Variants in NALF1 observed in about 807,000 individuals in gnomAD.
The protein encoded by NALF1 is NALCN channel auxiliary factor 1.
In NALF1, 3 loss-of-function variants were observed where a neutral mutation model predicts 48.4. That is an observed-to-expected ratio of 0.06 (90% CI 0.03 to 0.16). The LOEUF is 0.16. Ranked by LOEUF, NALF1 falls within the 10% of genes least tolerant of loss-of-function variation. The probability of loss-of-function intolerance (pLI) is 1.00; values close to 1 mark genes in which losing one functional copy is unlikely to be tolerated. For missense variants in NALF1, 526 were observed against 571.5 expected, an observed-to-expected ratio of 0.92 and a Z score of 0.81; for synonymous variants, 262 against 245.7, an observed-to-expected ratio of 1.07 and a Z score of -0.62.
At position 107,422,914 on chromosome 13, in the gene NALF1, C is replaced by A. The variant is rs370779772; in HGVS notation, c.916-212159G>T. Among the ~76,000 whole-genome samples the A allele has an allele frequency of 4.6e-5, 7 of 152,208 alleles. No homozygotes were observed. In the East Asian group the frequency reaches 5.8e-4, roughly 13 times the overall value. On this transcript the variant is annotated intron_variant, in intron 1 of 2. Coordinates refer to ENST00000375915, the MANE Select transcript of NALF1 (RefSeq NM_001080396.3). The stretch of plus-strand genomic sequence containing the variant: ...CACAAGCCAAGGAACAAGGCGGCCT[C>A]TAGAAGCTGGGAAGGCAAGGAAATG...
chr13:107,580,602 C>G (rs1239191270), intron 1 of NALF1, among the ~76,000 whole-genome samples: 1 of 152,148 alleles, frequency 6.6e-6, no homozygotes, highest in South Asian at 2.1e-4. Context: ...AGATTTTTGA[C>G]TCTTTCCTTA....
chr13:107,792,207 T>C (rs1274554887), intron 1 of NALF1, among the ~76,000 whole-genome samples: 1 of 152,184 alleles, frequency 6.6e-6, no homozygotes, highest in Non-Finnish European at 1.5e-5. Context: ...CTAATCCTAT[T>C]TGATCCATAC....
chr13:107,847,392 T>C lies in NALF1; in HGVS notation c.915+18290A>G, dbSNP rs533959287. Among the ~76,000 whole-genome samples, 16 of 152,344 alleles carry C rather than the reference T, an allele frequency of 1.1e-4. No individual in the cohort carries two copies. In the East Asian group the frequency reaches 2.1e-3, roughly 20 times the overall value. ...GTCTTTAAGGTGGGCCTCTGATTTT[T>C]CCTCTTGAAATTCATGGCCTTGTGT... On this transcript the variant is annotated intron_variant, in intron 1 of 2. Coordinates refer to ENST00000375915, the MANE Select transcript of NALF1 (RefSeq NM_001080396.3).
intron 1 of NALF1, among the ~76,000 whole-genome samples, chr13:107,794,163 CG>C: frequency 6.6e-6 from 1 of 152,264 alleles, no homozygotes; most frequent in African/African-American, 2.4e-5. Flanking sequence ...CCTGGATCCA[CG>C]GGACTGCAAC....
chr13:107,855,394 T>C (rs148359797), intron 1 of NALF1, among the ~76,000 whole-genome samples: 7 of 152,310 alleles, frequency 4.6e-5, no homozygotes, highest in Middle Eastern at 3.4e-3. Context: ...CTATCATTAG[T>C]GTTAGTGTAT....
At chr13:107,741,982 T>C (rs1876650837) in intron 1 of NALF1, among the ~76,000 whole-genome samples, 1 of 152,148 alleles carries the variant, frequency 6.6e-6, no homozygotes. Context: ...ATAATAACAA[T>C]AACAATCATA....
intron 1 of NALF1, among the ~76,000 whole-genome samples, chr13:107,535,154 T>C (rs967489669): frequency 3.3e-5 from 5 of 152,124 alleles, no homozygotes; most frequent in African/African-American, 1.2e-4. Context: ...CCTCTTTTCC[T>C]AATTGAATAC....
chr13:107,222,951 T>C (rs1880025325), intron 1 of NALF1, among the ~76,000 whole-genome samples: 1 of 152,234 alleles, frequency 6.6e-6, no homozygotes, highest in Admixed American at 6.5e-5. Context: ...ATTTGTTTAC[T>C]TGATCAAGGT....
chr13:107,211,965 T>C (rs1879771279), intron 1 of NALF1, among the ~76,000 whole-genome samples: 1 of 152,172 alleles, frequency 6.6e-6, no homozygotes, highest in African/African-American at 2.4e-5. Context: ...GTAATGGAAA[T>C]GGAAAATCCA....
At chr13:107,740,202 G>C (rs1876592291) in intron 1 of NALF1, among the ~76,000 whole-genome samples, 1 of 152,088 alleles carries the variant, frequency 6.6e-6, no homozygotes, top group Admixed American at 6.5e-5. Flanking sequence ...ATTTATATCT[G>C]AGAAATATTT....
chr13:107,221,668 G>C (rs1307187835), intron 1 of NALF1, among the ~76,000 whole-genome samples: 3 of 152,168 alleles, frequency 2.0e-5, no homozygotes, highest in Admixed American at 2.0e-4. Context: ...TGTGATGTGA[G>C]TGATATTATT....
At chr13:107,690,982 A>G (rs1158770871) in intron 1 of NALF1, among the ~76,000 whole-genome samples, 1 of 152,218 alleles carries the variant, frequency 6.6e-6, no homozygotes, top group Admixed American at 6.5e-5. Flanking sequence ...CTCCCCTAAA[A>G]TTAATATGTT....
At chr13:107,610,979 T>C (rs561145938) in intron 1 of NALF1, among the ~76,000 whole-genome samples, 10 of 152,124 alleles carry the variant, frequency 6.6e-5, no homozygotes, top group African/African-American at 2.2e-4. Flanking sequence ...AGGCCACGTA[T>C]AGATGAGTAG....
At chr13:107,558,043 C>A (rs1413977863) in intron 1 of NALF1, among the ~76,000 whole-genome samples, 1 of 151,672 alleles carries the variant, frequency 6.6e-6, no homozygotes, top group Admixed American at 6.6e-5. Flanking sequence ...CACAACCCAA[C>A]CAACCCAAGC....
intron 1 of NALF1, among the ~76,000 whole-genome samples, chr13:107,825,414 G>T (rs1301972445): frequency 6.6e-6 from 1 of 152,166 alleles, no homozygotes; most frequent in African/African-American, 2.4e-5. Context: ...AAAAGTTGAT[G>T]CTCATTCACT....
chr13:107,488,975 A>G (rs1885373114), intron 1 of NALF1, among the ~76,000 whole-genome samples: 1 of 152,136 alleles, frequency 6.6e-6, no homozygotes, highest in South Asian at 2.1e-4. Flanking sequence ...CTATACACAA[A>G]TAACAGTCAA....
chr13:107,831,552 A>G (rs541514293), intron 1 of NALF1, among the ~76,000 whole-genome samples: 1 of 152,344 alleles, frequency 6.6e-6, no homozygotes, highest in South Asian at 2.1e-4. Flanking sequence ...GACATGTTCT[A>G]AAATTACTGA....
chr13:107,325,361 A>G (rs778128456), intron 1 of NALF1, among the ~76,000 whole-genome samples: 7 of 152,182 alleles, frequency 4.6e-5, no homozygotes, highest in Admixed American at 6.6e-5. Flanking sequence ...TCTATTTTAA[A>G]GTTAACACTC....
At chr13:107,562,956 T>C (rs771225708) in intron 1 of NALF1, among the ~76,000 whole-genome samples, 1 of 152,230 alleles carries the variant, frequency 6.6e-6, no homozygotes, top group Non-Finnish European at 1.5e-5. Context: ...GCTGAGTCCT[T>C]CTTAAAACTT....
Sources: gnomAD v4.1 joint callset for allele counts (sites outside exome capture counted in the v4.1 genomes callset) on GRCh38, gnomAD v4.1.1 for gene constraint, MANE v1.5 for transcripts, NCBI Gene and HGNC (gene_info 2026-07-23, HGNC 2026-07-21) for gene names.